Variants in ZNF687 observed in about 807,000 individuals in gnomAD.
ZNF687 encodes the protein zinc finger protein 687.
A neutral mutation model predicts 71.8 loss-of-function variants in ZNF687; 13 were observed. The ratio of observed to expected loss-of-function variants is 0.18; its 90% CI spans 0.12 to 0.29. The LOEUF (loss-of-function observed/expected upper bound fraction) is 0.29, where lower values mean the gene tolerates loss of function less well. Ranked by LOEUF, ZNF687 falls within the 10% of genes least tolerant of loss-of-function variation. ZNF687 has a pLI of 1.00. For synonymous variants in ZNF687, 673 were observed against 641.6 expected (o/e 1.05, Z -0.74); for missense variants, 1,412 against 1,625.6 (o/e 0.87, Z 2.26).
chr1:151,288,831 C>G, intron 3 of ZNF687, 125 bp downstream of exon 3: 1 of 1,244,678 alleles, frequency 8.0e-7, no homozygotes, highest in South Asian at 1.5e-5. Flanking sequence ...TTGCCAGACT[C>G]AACCCTGAGA....
At position 151,288,611 on chromosome 1, in the gene ZNF687, T is replaced by C. The variant is rs112548575; in HGVS notation, c.2199T>C (p.His733=). ...GCATGCATAAGAATCGACCCCCCCATGTCTGTCCTGAGTGTGGGGGCAACT... is the reference window on the plus strand; with the variant it reads ...GCATGCATAAGAATCGACCCCCCCACGTCTGTCCTGAGTGTGGGGGCAACT... ...HQRMHKNRPP[H]VCPECGGNFL... Residue 733 remains histidine (H), a synonymous_variant, in exon 3 of 9, where the codon CAT becomes CAC. Transcript: ENST00000336715. The C allele has an allele frequency of 1.4e-5, 22 of 1,614,132 alleles. No individual in the cohort carries two copies. In the African/African-American group the frequency reaches 2.1e-4, roughly 16 times the overall value.
In ZNF687 at chr1:151,290,892, G is replaced by T. The variant is rs374758127; in HGVS notation, c.3397G>T (p.Gly1133Cys). The T allele has an allele frequency of 6.2e-7, 1 of 1,614,076 alleles. No individual in the cohort carries two copies. The highest frequency in any genetic ancestry group is 1.3e-5 in the African/African-American group (1 of 75,026). ...CATGATGGGGTTGAGGGTGGAGGAT[G>T]GTGCCCAGCAGTGCCTCGACTGTGG... ...SLMMGLRVED[G>C]AQQCLDCGLC... The change falls in exon 9 of 9, where the codon GGT becomes TGT. Residue 1133 changes from glycine to cysteine, a missense_variant. Physicochemically the swap from Gly to Cys is radical, Grantham distance 159. This residue lies in a region of ZNF687 where 284 missense variants were observed against 359.2 expected (regional missense o/e 0.79). Transcript: ENST00000336715.
rs1378123820 is a variant in ZNF687, at chr1:151,288,106, C to A, written c.1815C>A (p.Asp605Glu). The A allele has an allele frequency of 2.7e-5, 43 of 1,613,982 alleles. No individual in the cohort carries two copies. The highest frequency in any genetic ancestry group is 3.6e-5 in the Non-Finnish European group (43 of 1,180,038). ...SHLVMRPVALDQMVGQPDITP... is the reference protein window; with the variant it reads ...SHLVMRPVALEQMVGQPDITP... ...TGGTCATGAGGCCTGTAGCCCTTGA[C>A]CAGATGGTGGGGCAGCCGGACATCA... Residue 605 changes from aspartate (D) to glutamate (E), a missense_variant, in exon 2 of 9, where the codon GAC becomes GAA. By Grantham distance (45) the Asp-to-Glu change is conservative. Around this residue, in one of 8 missense-constraint regions of ZNF687, gnomAD observed 207 missense variants for 239.2 expected, o/e 0.87. Transcript: ENST00000336715.
chr1:151,282,947 C>G (rs1262014925), intron 1 of ZNF687: 1 of 231,458 alleles, frequency 4.3e-6, no homozygotes, highest in Non-Finnish European at 7.1e-6. Context: ...GGGACGGACC[C>G]CAGCTAGAGA....
rs1279108463 is a variant in ZNF687 at position 151,288,388 on chromosome 1, C to T, written c.2097C>T (p.Ala699=). 1.2e-6 allele frequency: 2 copies of T among 1,605,362 alleles called. No individual in the cohort carries two copies. The highest frequency in any genetic ancestry group is 2.2e-5 in the South Asian group (2 of 90,788). The part of the protein sequence containing the change: ...AAHFQQLGPP[A]PGATSNVCPT... ...ACTTCCAGCAGCTCGGCCCCCCTGC[C>T]CCTGGGGCCACCAGCAATGTGAGTC... Residue 699 remains alanine, a synonymous_variant, in exon 2 of 9, where the codon GCC becomes GCT. Transcript: ENST00000336715.
rs757220320 is a variant in ZNF687, at chr1:151,286,355, G to A, written c.64G>A (p.Asp22Asn). Reference sequence around the variant, plus strand: ...TGCTGCCTTTGACATCCCTGACATTGATGCGAATGAAGCCATCCATTCTGG... The same window carrying A: ...TGCTGCCTTTGACATCCCTGACATTAATGCGAATGAAGCCATCCATTCTGG... ...LLAAFDIPDI[D>N]ANEAIHSGPE... Residue 22 changes from aspartate (D) to asparagine (N), a missense_variant, in exon 2 of 9, where the codon GAT becomes AAT. Asp to Asn is a conservative substitution (Grantham distance 23). Transcript: ENST00000336715. 6.2e-7 allele frequency: 1 copy of A among 1,602,462 alleles called. No homozygotes were observed. The highest frequency in any genetic ancestry group is 8.5e-7 in the Non-Finnish European group (1 of 1,176,744).
At position 151,289,806 on chromosome 1, in the gene ZNF687, G is replaced by T; in HGVS notation, c.2763G>T (p.Glu921Asp). The T allele has an allele frequency of 6.4e-7, 1 of 1,566,692 alleles. No homozygotes were observed. Among genetic ancestry groups the T allele is most frequent in the Admixed American group, 1.9e-5 (1 of 52,898 alleles). ...GAGGGGCAGCCCCTGCTACTGAGGA[G>T]TCGTCTTCATCTTCAGAAGAGGAGG... ...SQGGAAPATE[E>D]SSSSSEEEEV... Residue 921 changes from glutamate to aspartate, a missense_variant, in exon 6 of 9, where the codon GAG becomes GAT. Transcript: ENST00000336715.
intron 1 of ZNF687, among the ~76,000 whole-genome samples, chr1:151,283,638 C>T (rs908915926): frequency 6.6e-6 from 1 of 152,156 alleles, no homozygotes; most frequent in African/African-American, 2.4e-5. Context: ...TGTAGCAGTC[C>T]ACTTTTCTGA....
upstream of ZNF687, chr1:151,282,189 A>G (rs587754692): frequency 9.1e-7 from 1 of 1,096,306 alleles, no homozygotes; most frequent in Admixed American, 4.0e-5. Flanking sequence ...TGGAAGGGGC[A>G]CAGGGCTGAG....
chr1:151,288,717 C>A lies in ZNF687; in HGVS notation c.2294+11C>A. On this transcript the variant is annotated intron_variant, in intron 3 of 8. Transcript: ENST00000336715. Reference sequence around the variant, plus strand: ...CCGTGTAGGATACAGGTGCCTCGGACCCTTCCTCCATAGAACTGTAGGGTT... The same window carrying A: ...CCGTGTAGGATACAGGTGCCTCGGAACCTTCCTCCATAGAACTGTAGGGTT... 6.2e-7 allele frequency: 1 copy of A among 1,606,068 alleles called. No individual in the cohort carries two copies. Among genetic ancestry groups the A allele is most frequent in the Non-Finnish European group, 8.5e-7 (1 of 1,175,374 alleles).
At chr1:151,289,060 C>T in intron 3 of ZNF687, 35 bp from the exon 4 acceptor site, 1 of 1,606,006 alleles carries the variant, frequency 6.2e-7, no homozygotes, top group Admixed American at 1.7e-5. Flanking sequence ...GAGATGCCTC[C>T]CACCTCACCA....
Position 151,288,139 on chromosome 1 carries a change from G to A in ZNF687, c.1848G>A (p.Leu616=), listed in dbSNP as rs751571258. 6.2e-7 allele frequency: 1 copy of A among 1,613,860 alleles called. No homozygotes were observed. Among genetic ancestry groups the A allele is most frequent in the Non-Finnish European group, 8.5e-7 (1 of 1,179,992 alleles). ...TGGGGCAGCCGGACATCACACCGCT[G>A]CTGCCTGTAGCTGTCCCACCTGTCT... is the stretch of plus-strand genomic sequence containing the variant. ...QMVGQPDITP[L]LPVAVPPVSG... is the part of the protein sequence containing the mutation. Residue 616 remains leucine, a synonymous_variant, in exon 2 of 9, where the codon CTG becomes CTA. Transcript: ENST00000336715.
In ZNF687 at chr1:151,290,412, C is replaced by T. The variant is rs770491391; in HGVS notation, c.3078-20C>T. 1 of 1,613,792 alleles carries T rather than the reference C, an allele frequency of 6.2e-7. No individual in the cohort carries two copies. Among genetic ancestry groups the T allele is most frequent in the Non-Finnish European group, 8.5e-7 (1 of 1,180,004 alleles). ...CTTCGGGCTGTGCCGCTGCTGCCATCCTGTCCTCTCCCATTTCAGGTATTG... is the reference window on the plus strand; with the variant it reads ...CTTCGGGCTGTGCCGCTGCTGCCATTCTGTCCTCTCCCATTTCAGGTATTG... On this transcript the variant is annotated intron_variant, in intron 7 of 8. Transcript: ENST00000336715.
upstream of ZNF687, chr1:151,281,544 T>G: frequency 2.1e-6 from 1 of 471,136 alleles, no homozygotes; most frequent in Non-Finnish European, 4.4e-6. Context: ...CTTCCCAACC[T>G]TTAGGTCCCG....
rs143173486 is a variant in ZNF687, at chr1:151,287,809, C to T, written c.1518C>T (p.Asn506=). ...SLVEAFNKIL[N]SKNLLPAYRP... ...TGGAGGCCTTCAACAAGATCCTCAA[C>T]AGCAAGAACCTGCTCCCTGCCTATA... The change falls in exon 2 of 9, where the codon AAC becomes AAT. Residue 506 remains asparagine, a synonymous_variant. Transcript: ENST00000336715. The surrounding 1 kb of genome is among the most constrained non-coding windows in gnomAD (Gnocchi z 5.0). 6.8e-5 allele frequency: 109 copies of T among 1,613,972 alleles called. No homozygotes were observed. In the African/African-American group the frequency reaches 1.4e-3, roughly 21 times the overall value.
chr1:151,290,468 C>T lies in ZNF687; in HGVS notation c.3114C>T (p.Arg1038=), dbSNP rs1013237925. The T allele has an allele frequency of 1.2e-6, 2 of 1,613,892 alleles. No individual in the cohort carries two copies. Among genetic ancestry groups the T allele is most frequent in the Non-Finnish European group, 1.7e-6 (2 of 1,180,022 alleles). ...CTEGKRTFSS[R]LILEKHVQVR... The stretch of plus-strand genomic sequence containing the variant: ...AGGGAAAACGCACCTTCAGCAGCCG[C>T]CTGATCCTAGAGAAACATGTCCAGG... Residue 1038 remains arginine (R), a synonymous_variant, in exon 8 of 9, where the codon CGC becomes CGT. Coordinates refer to ENST00000336715, the MANE Select transcript of ZNF687 (RefSeq NM_020832.3).
At chr1:151,284,771 T>A (rs587757128) in intron 1 of ZNF687, among the ~76,000 whole-genome samples, 1 of 150,704 alleles carries the variant, frequency 6.6e-6, no homozygotes, top group Non-Finnish European at 1.5e-5. Context: ...CTATGATACA[T>A]AGATCACTTG....
At chr1:151,282,058 C>G, upstream of ZNF687, 1 of 1,284,300 alleles carries the variant, frequency 7.8e-7, no homozygotes, top group Non-Finnish European at 1.0e-6. Context: ...CAGACGGACC[C>G]CGGCGCAGCC....
intron 1 of ZNF687, chr1:151,283,741 A>G (rs1311844219): frequency 1.1e-5 from 9 of 853,796 alleles, no homozygotes; most frequent in Non-Finnish European, 1.3e-5. Context: ...GTTTAAACCC[A>G]GATTCTGCAG....
Sources: allele counts gnomAD v4.1 joint callset (sites outside exome capture counted in the v4.1 genomes callset), GRCh38; gene constraint gnomAD v4.1.1; regional missense constraint gnomAD v4.1.1; non-coding constraint Gnocchi (gnomAD v3.1); transcripts MANE v1.5; gene names NCBI Gene and HGNC (gene_info 2026-07-23, HGNC 2026-07-21).